Variants in KLHL35 observed in about 807,000 individuals in gnomAD.
KLHL35 encodes kelch like family member 35.
In KLHL35, 50 loss-of-function variants were observed where a neutral mutation model predicts 44.0. The ratio of observed to expected loss-of-function variants is 1.14; its 90% confidence interval spans 0.91 to 1.44. KLHL35 has a LOEUF of 1.44. Among genes scored for constraint, KLHL35 ranks in the 40% most tolerant of loss-of-function variants. The pLI, the probability that KLHL35 is intolerant of heterozygous loss-of-function variation, is 0.00. For synonymous variants in KLHL35, 470 were observed against 410.4 expected (o/e 1.15, Z -1.76); for missense variants, 1,049 against 887.8 (o/e 1.18, Z -2.31).
chr11:75,432,752 C>G (rs939376592), intron 1 of KLHL35, among the ~76,000 whole-genome samples: 11 of 152,114 alleles, frequency 7.2e-5, no homozygotes, highest in African/African-American at 2.4e-4. Context: ...GGGGGTCAAA[C>G]GACACCCAGT....
chr11:75,426,345 CA>C, intron 4 of KLHL35, 174 bp downstream of exon 4: 1 of 536,004 alleles, frequency 1.9e-6, no homozygotes. Flanking sequence ...GTTACTATTA[CA>C]GTAATTGCTA....
Position 75,425,466 on chromosome 11 carries a change from G to T in KLHL35, c.1301C>A (p.Ala434Glu), listed in dbSNP as rs748230827. ...CTTGCCCGCGCAGGACGCCACCGCC[G>T]CCGAGCTCACGGCCTCCGGGAGGGG... The part of the protein sequence containing the change: ...AAPLPEAVSS[A>E]AVASCAGKLF... The change falls in exon 5 of 7, where the codon GCG (alanine) becomes GAG (glutamate). Residue 434 changes from alanine to glutamate, a missense_variant. By Grantham distance (107) the Ala-to-Glu change is moderately radical. Coordinates refer to ENST00000539798, the MANE Select transcript of KLHL35 (RefSeq NM_001039548.3). 3.8e-6 allele frequency: 6 copies of T among 1,572,408 alleles called. No individual in the cohort carries two copies. The highest frequency in any genetic ancestry group is 5.2e-6 in the Non-Finnish European group (6 of 1,164,976).
At chr11:75,426,793 C>T (rs1948496112) in intron 3 of KLHL35, 155 bp from the exon 4 acceptor site, 1 of 535,564 alleles carries the variant, frequency 1.9e-6, no homozygotes, top group Admixed American at 3.2e-5. Context: ...GACCTGTGAC[C>T]CAGTGTGCTT....
At chr11:75,431,898 A>G (rs34990111) in intron 1 of KLHL35, among the ~76,000 whole-genome samples, 14,048 of 152,206 alleles carry the variant, frequency 0.092, 707 homozygotes, top group Middle Eastern at 0.13. Context: ...TTTTATAGAC[A>G]TAATTTAATT....
In KLHL35 at chr11:75,430,005, C is replaced by T. The variant is rs990592336; in HGVS notation, c.625G>A (p.Gly209Ser). ...AACACGGCCTCCTCGCGCGCCACGCCCAGCGCGGGGTCCGCCAGCAGCGCC... is the reference window on the plus strand; with the variant it reads ...AACACGGCCTCCTCGCGCGCCACGCTCAGCGCGGGGTCCGCCAGCAGCGCC... ...VVALLADPAL[G>S]VAREEAVFEA... is the part of the protein sequence containing the mutation. The change falls in exon 2 of 7, where the codon GGC becomes AGC. Residue 209 changes from glycine (G) to serine (S), a missense_variant. Transcript: ENST00000539798. 4.2e-6 allele frequency: 6 copies of T among 1,416,918 alleles called. No homozygotes were observed. In the Admixed American group the frequency reaches 1.5e-4, roughly 35 times the overall value. The allele number at this position is 1,416,918 out of a possible 1,614,324, so 87.8% of individuals were successfully genotyped here.
At position 75,430,325 on chromosome 11, in the gene KLHL35, G is replaced by A. The variant is rs774104512; in HGVS notation, c.305C>T (p.Ala102Val). 4.7e-6 allele frequency: 6 copies of A among 1,264,220 alleles called. No homozygotes were observed. Among genetic ancestry groups the A allele is most frequent in the Admixed American group, 7.8e-5 (2 of 25,634 alleles). The allele number at this position is 1,264,220 out of a possible 1,614,324, so 78.3% of individuals were successfully genotyped here. ...CACGTAGTCGAGCACCACGGCCAGC[G>A]CCGCCGCCGCCCCGGCCGGGCTCGT... Reference protein sequence around the residue: ...PGTSPAGAAAALAVVLDYVYG... With the variant: ...PGTSPAGAAAVLAVVLDYVYG... The change falls in exon 2 of 7, where the codon GCG (alanine) becomes GTG (valine). Residue 102 changes from alanine (A) to valine (V), a missense_variant. Ala to Val is a moderately conservative substitution (Grantham distance 64). Transcript: ENST00000539798.
At chr11:75,425,680 CCT>C in intron 4 of KLHL35, 99 bp from the exon 5 acceptor site, 1 of 1,131,632 alleles carries the variant, frequency 8.8e-7, no homozygotes, top group Non-Finnish European at 1.2e-6. Flanking sequence ...GGAAACTATC[CCT>C]GTCCCCAACC....
chr11:75,422,752 G>C lies in KLHL35; in HGVS notation c.1580C>G (p.Thr527Ser), dbSNP rs201073930. 153 of 1,613,302 alleles carry C rather than the reference G, an allele frequency of 9.5e-5. 1 individual carries two copies. The highest frequency in any genetic ancestry group is 1.2e-4 in the Non-Finnish European group (138 of 1,179,406). Residue 527 changes from threonine to serine, a missense_variant, in exon 7 of 7, where the codon ACT becomes AGT. By Grantham distance (58) the Thr-to-Ser change is moderately conservative. Transcript: ENST00000539798. ...LPSPVESCGV[T>S]VCDGKVHILG... is the part of the protein sequence containing the mutation. ...GATGTGGACCTTCCCGTCACACACA[G>C]TGACTCCACAGCTTTCCTGGGTGGA...
In KLHL35 at chr11:75,423,892, G is replaced by A. The variant is rs747810380; in HGVS notation, c.1375-12C>T. ...TCAAAGCACTGCACCTGAGGGGCAA[G>A]AGCAGCAGTGGTGAAGACTCACCGC... On this transcript the variant is annotated splice_polypyrimidine_tract_variant and intron_variant, in intron 5 of 6. Coordinates refer to ENST00000539798, the MANE Select transcript of KLHL35 (RefSeq NM_001039548.3). The A allele has an allele frequency of 6.2e-6, 10 of 1,603,942 alleles. No individual in the cohort carries two copies. Among genetic ancestry groups the A allele is most frequent in the Admixed American group, 5.1e-5 (3 of 59,080 alleles).
intron 1 of KLHL35, among the ~76,000 whole-genome samples, chr11:75,431,726 C>T (rs934509435): frequency 6.6e-6 from 1 of 152,162 alleles, no homozygotes; most frequent in East Asian, 1.9e-4. Flanking sequence ...CCTCAGTTAT[C>T]TCATCTGAAA....
Position 75,430,430 on chromosome 11 carries a change from C to G in KLHL35, c.200G>C (p.Arg67Pro), listed in dbSNP as rs1348097571. 47 of 1,390,408 alleles carry G rather than the reference C, an allele frequency of 3.4e-5. No homozygotes were observed. The highest frequency in any genetic ancestry group is 4.3e-5 in the Non-Finnish European group (46 of 1,072,582). The allele number at this position is 1,390,408 out of a possible 1,614,324, so 86.1% of individuals were successfully genotyped here. A position where few individuals can be genotyped will look rare whatever the true frequency, so the allele number is the denominator to read the frequency against. Residue 67 changes from arginine to proline, a missense_variant, in exon 2 of 7, where the codon CGC becomes CCC. Transcript: ENST00000539798. ...AALSAGSAYF[R>P]SLFAAGRPER... Reference sequence around the variant, plus strand: ...GGGCCGCCCGGCCGCGAACAAGCTGCGGAAGTAGGCGCTGCCCGCGCTGAG... The same window carrying G: ...GGGCCGCCCGGCCGCGAACAAGCTGGGGAAGTAGGCGCTGCCCGCGCTGAG...
Position 75,422,588 on chromosome 11 carries a change from C to T in KLHL35, c.1744G>A (p.Gly582Ser). The T allele has an allele frequency of 1.2e-6, 2 of 1,612,360 alleles. No individual in the cohort carries two copies. The highest frequency in any genetic ancestry group is 1.7e-6 in the Non-Finnish European group (2 of 1,178,716). Residue 582 changes from glycine (G) to serine (S), a missense_variant, in exon 7 of 7, where the codon GGC (glycine) becomes AGC (serine). Gly to Ser is a moderately conservative substitution (Grantham distance 56). Transcript: ENST00000539798. ...GGCTGTCCAAATCTGAATCACCTGC[C>T]CAAGCTCTGGATGATGGTGACACAG... ...HGCVTIIQSL[G>S]R
At chr11:75,425,037 A>C in intron 5 of KLHL35, 1 of 168,022 alleles carries the variant, frequency 6.0e-6, no homozygotes, top group Non-Finnish European at 1.1e-5. Flanking sequence ...CGGTGGGATT[A>C]TGGGTTTTTT....
rs148526386 is a variant in KLHL35, at chr11:75,432,080, G to T, written c.-2+963C>A. 5.1e-3 allele frequency among the ~76,000 whole-genome samples: 778 copies of T among 152,266 alleles called. 4 individuals are homozygous for T. The highest frequency in any genetic ancestry group is 7.7e-3 in the Non-Finnish European group (522 of 68,016). On this transcript the variant is annotated intron_variant, in intron 1 of 6. Transcript: ENST00000539798. ...TGAGGGGCTGGGCCATGCTGGTTAT[G>T]ATTTGGCCATTATGAACACAAAACC... is the stretch of plus-strand genomic sequence containing the variant.
At chr11:75,429,689 T>C in intron 2 of KLHL35, 60 bp downstream of exon 2, 2 of 1,391,286 alleles carry the variant, frequency 1.4e-6, no homozygotes, top group Non-Finnish European at 1.9e-6. Context: ...AAAGAATGAA[T>C]GAGCGGTGGA....
intron 5 of KLHL35, 142 bp downstream of exon 5, chr11:75,425,251 A>G (rs942240654): frequency 5.4e-6 from 5 of 926,622 alleles, no homozygotes; most frequent in African/African-American, 3.5e-5. Flanking sequence ...TCCTTCCCTG[A>G]AACATGGAGG....
chr11:75,430,026 G>C lies in KLHL35; in HGVS notation c.604C>G (p.Leu202Val). Residue 202 changes from leucine to valine, a missense_variant, in exon 2 of 7, where the codon CTG becomes GTG. Leu to Val is a conservative substitution (Grantham distance 32). Coordinates refer to ENST00000539798, the MANE Select transcript of KLHL35 (RefSeq NM_001039548.3). ...LELAPDEVVA[L>V]LADPALGVAR... is the part of the protein sequence containing the mutation. ...ACGCCCAGCGCGGGGTCCGCCAGCA[G>C]CGCCACCACCTCGTCAGGCGCCAGC... 1.4e-6 allele frequency: 2 copies of C among 1,419,508 alleles called. No homozygotes were observed. Among genetic ancestry groups the C allele is most frequent in the African/African-American group, 1.5e-5 (1 of 66,760 alleles). The allele number at this position is 1,419,508 out of a possible 1,614,324, so 87.9% of individuals were successfully genotyped here.
At chr11:75,425,192 G>C (rs992198939) in intron 5 of KLHL35, among the ~76,000 whole-genome samples, 2 of 152,238 alleles carry the variant, frequency 1.3e-5, no homozygotes, top group Non-Finnish European at 2.9e-5. Flanking sequence ...TTGAGTCCCA[G>C]TGTGCTGCTG....
chr11:75,428,377 A>C (rs1430022277), intron 3 of KLHL35, 65 bp downstream of exon 3: 14 of 1,560,160 alleles, frequency 9.0e-6, no homozygotes, highest in Non-Finnish European at 1.1e-5. Context: ...GGAAAAGCAA[A>C]GGGGGTGGAG....
Sources: allele counts gnomAD v4.1 joint callset (sites outside exome capture counted in the v4.1 genomes callset), GRCh38; gene constraint gnomAD v4.1.1; transcripts MANE v1.5; gene names NCBI Gene and HGNC (gene_info 2026-07-23, HGNC 2026-07-21).